Variants in POLR3H observed in about 807,000 individuals in gnomAD.
The protein encoded by POLR3H is DNA-directed RNA polymerase III subunit RPC8.
A neutral mutation model predicts 25.5 loss-of-function variants in POLR3H; 17 were observed. That is an observed-to-expected ratio of 0.67 (90% CI 0.46 to 1.00). The LOEUF (loss-of-function observed/expected upper bound fraction) is 1.00, where lower values mean the gene tolerates loss of function less well. POLR3H is among the 50% of genes least tolerant of loss of function. The pLI is 0.00. For synonymous variants in POLR3H, 129 were observed against 103.0 expected, an observed-to-expected ratio of 1.25 and a Z score of -1.53; for missense variants, 274 against 265.0, an observed-to-expected ratio of 1.03 and a Z score of -0.24.
Position 41,528,791 on chromosome 22 carries a change from CT to C in POLR3H, c.*491del. ...TGTGGTGGGGGGGTTCTTAAAATAA[CT>C]TTTTAGCCCCCGTCTTCCTATTTTG... is the stretch of plus-strand genomic sequence containing the variant. On this transcript the variant is annotated 3_prime_UTR_variant, in exon 6 of 6. Transcript: ENST00000355209. 2.4e-6 allele frequency: 2 copies of C among 831,266 alleles called. No individual in the cohort carries two copies. The highest frequency in any genetic ancestry group is 3.6e-6 in the Non-Finnish European group (2 of 556,572). The allele number at this position is 831,266 out of a possible 1,614,324, so 51.5% of individuals were successfully genotyped here.
At chr22:41,529,607 G>T in intron 5 of POLR3H, 1 of 701,946 alleles carries the variant, frequency 1.4e-6, no homozygotes, top group Non-Finnish European at 2.6e-6. Context: ...GGCCACCTAG[G>T]TTCTAATCGT....
Position 41,540,681 on chromosome 22 carries a change from G to A in POLR3H, c.208+18C>T, listed in dbSNP as rs1355192658. On this transcript the variant is annotated intron_variant, in intron 2 of 5. Transcript: ENST00000355209. ...GAGCCCCAAGAAGCCCAATGCCCCA[G>A]GGACAGAAGATACCCACCTTTGGTG... is the stretch of plus-strand genomic sequence containing the variant. The A allele has an allele frequency of 1.3e-6, 2 of 1,593,550 alleles. No homozygotes were observed. The highest frequency in any genetic ancestry group is 1.7e-5 in the Admixed American group (1 of 59,994).
At chr22:41,542,505 T>G (rs1433382400) in intron 1 of POLR3H, among the ~76,000 whole-genome samples, 1 of 151,844 alleles carries the variant, frequency 6.6e-6, no homozygotes, top group Non-Finnish European at 1.5e-5. Flanking sequence ...CACCATCAGA[T>G]CTCACCTTCA....
chr22:41,527,684 ATG>A lies in POLR3H; in HGVS notation c.*1597_*1598del, dbSNP rs1933896601. 1 of 804,052 alleles carries A rather than the reference ATG, an allele frequency of 1.2e-6. No homozygotes were observed. The highest frequency in any genetic ancestry group is 2.9e-5 in the Admixed American group (1 of 34,444). The allele number at this position is 804,052 out of a possible 1,614,324, so 49.8% of individuals were successfully genotyped here. On this transcript the variant is annotated 3_prime_UTR_variant, in exon 6 of 6. Transcript: ENST00000355209. ...GCCAGGGGGTTCTTTCTGATCATGA[ATG>A]TGCAGCAGGAAGGCCTCGCAGACCT...
At chr22:41,530,621 A>G in intron 5 of POLR3H, 66 bp downstream of exon 5, 1 of 1,448,860 alleles carries the variant, frequency 6.9e-7, no homozygotes, top group Non-Finnish European at 9.3e-7. Context: ...CCCAGGACAC[A>G]GCTTCCAGCC....
Position 41,528,396 on chromosome 22 carries a change from G to C in POLR3H, c.*887C>G, listed in dbSNP as rs200466811. The C allele has an allele frequency of 6.4e-7, 1 of 1,555,280 alleles. No homozygotes were observed. Among genetic ancestry groups the C allele is most frequent in the Non-Finnish European group, 8.7e-7 (1 of 1,151,812 alleles). On this transcript the variant is annotated 3_prime_UTR_variant, in exon 6 of 6. Transcript: ENST00000355209. ...TGCTGACCTCTTAGGTCCCCAGGCA[G>C]TGCCCTGTCTCCCTGACCCCCCTGC...
At chr22:41,531,360 G>A (rs1340154948) in intron 4 of POLR3H, among the ~76,000 whole-genome samples, 1 of 152,222 alleles carries the variant, frequency 6.6e-6, no homozygotes, top group East Asian at 1.9e-4. Flanking sequence ...GAACCAGCCG[G>A]GCTGCGCCAG....
chr22:41,533,268 C>G (rs566693268), intron 2 of POLR3H, among the ~76,000 whole-genome samples: 83 of 152,324 alleles, frequency 5.4e-4, no homozygotes, highest in Non-Finnish European at 9.7e-4. Flanking sequence ...AGGAAAACAC[C>G]AGGTGGGGTC....
intron 5 of POLR3H, chr22:41,529,667 AG>A (rs1251396432): frequency 4.7e-6 from 3 of 633,966 alleles, no homozygotes; most frequent in Non-Finnish European, 8.9e-6. Flanking sequence ...CGCATCCAAC[AG>A]GGAGCAGCCT....
At position 41,528,351 on chromosome 22, in the gene POLR3H, G is replaced by A; in HGVS notation, c.*932C>T. 2.2e-6 allele frequency: 3 copies of A among 1,348,282 alleles called. No homozygotes were observed. The highest frequency in any genetic ancestry group is 4.9e-5 in the East Asian group (2 of 40,520). The allele number at this position is 1,348,282 out of a possible 1,614,324, so 83.5% of individuals were successfully genotyped here. On this transcript the variant is annotated 3_prime_UTR_variant, in exon 6 of 6. Transcript: ENST00000355209. Reference sequence around the variant, plus strand: ...TGACCTGGGCCATCAGGCACAGACTGGCCTAGGATTTGGTTTGCCTGCTGA... The same window carrying A: ...TGACCTGGGCCATCAGGCACAGACTAGCCTAGGATTTGGTTTGCCTGCTGA...
At chr22:41,530,430 C>G (rs1161584727) in intron 5 of POLR3H, among the ~76,000 whole-genome samples, 2 of 152,224 alleles carry the variant, frequency 1.3e-5, no homozygotes, top group Non-Finnish European at 1.5e-5. Context: ...TATCAGTGGT[C>G]TTGTCCACCG....
chr22:41,542,312 G>C (rs961040364), intron 1 of POLR3H, among the ~76,000 whole-genome samples: 19 of 152,000 alleles, frequency 1.3e-4, no homozygotes, highest in South Asian at 2.1e-4. Flanking sequence ...TCAAACTCCT[G>C]ACCTTGGGTG....
At chr22:41,541,173 C>A (rs1470937075) in intron 1 of POLR3H, among the ~76,000 whole-genome samples, 1 of 152,142 alleles carries the variant, frequency 6.6e-6, no homozygotes, top group African/African-American at 2.4e-5. Flanking sequence ...GTACCTGGCT[C>A]GTGTATTGGA....
Position 41,526,505 on chromosome 22 carries a change from G to T in POLR3H, c.*2778C>A. The T allele has an allele frequency of 6.4e-7, 1 of 1,564,472 alleles. No homozygotes were observed. On this transcript the variant is annotated 3_prime_UTR_variant, in exon 6 of 6. Coordinates refer to ENST00000355209, the MANE Select transcript of POLR3H (RefSeq NM_001018050.4). ...CCAGTGGTCACTCCTGAAGGGGCCT[G>T]CAAGGCAGGTGCAGGGAGGACATTA...
In POLR3H at chr22:41,544,350, C is replaced by CCGCCACGCCACGCCACGCCA; in HGVS notation, c.-250_-249insTGGCGTGGCGTGGCGTGGCG. On this transcript the variant is annotated 5_prime_UTR_variant, in exon 1 of 6. Coordinates refer to ENST00000355209, the MANE Select transcript of POLR3H (RefSeq NM_001018050.4). ...GGGTGCGCGCCCGCGCCGCGAGACC[C>CCGCCACGCCACGCCACGCCA]CGCCACGCCACGCCACTCCACGCCA... 5.3e-6 allele frequency: 2 copies of CCGCCACGCCACGCCACGCCA among 379,340 alleles called. No homozygotes were observed. The highest frequency in any genetic ancestry group is 4.2e-5 in the South Asian group (1 of 23,560). The allele number at this position is 379,340 out of a possible 1,614,324, so 23.5% of individuals were successfully genotyped here.
intron 3 of POLR3H, 138 bp downstream of exon 3, chr22:41,532,521 G>A: frequency 6.7e-7 from 1 of 1,481,974 alleles, no homozygotes; most frequent in Non-Finnish European, 9.2e-7. Context: ...TAAAAGGGAG[G>A]GTGGGCAAGC....
chr22:41,536,969 T>G (rs1170074433), intron 2 of POLR3H, among the ~76,000 whole-genome samples: 1 of 151,630 alleles, frequency 6.6e-6, no homozygotes, highest in Non-Finnish European at 1.5e-5. Flanking sequence ...AATATAACAT[T>G]TAAAAATGTT....
chr22:41,527,020 G>A lies in POLR3H; in HGVS notation c.*2263C>T. 3.7e-6 allele frequency: 2 copies of A among 546,878 alleles called. No homozygotes were observed. Among genetic ancestry groups the A allele is most frequent in the East Asian group, 3.2e-5 (1 of 31,250 alleles). The allele number at this position is 546,878 out of a possible 1,614,324, so 33.9% of individuals were successfully genotyped here. On this transcript the variant is annotated 3_prime_UTR_variant, in exon 6 of 6. Coordinates refer to ENST00000355209, the MANE Select transcript of POLR3H (RefSeq NM_001018050.4). ...ACCCAACCTCCCTCCACACACACCT[G>A]CCTCTGCCAAGCACCAATGGGTGGC...
chr22:41,538,203 G>A (rs370136513), intron 2 of POLR3H, among the ~76,000 whole-genome samples: 2 of 147,194 alleles, frequency 1.4e-5, no homozygotes, highest in Non-Finnish European at 3.0e-5. Context: ...GTGCGATCTC[G>A]GTTCACTGCA....
Sources: allele counts gnomAD v4.1 joint callset (sites outside exome capture counted in the v4.1 genomes callset), GRCh38; gene constraint gnomAD v4.1.1; transcripts MANE v1.5; gene names NCBI Gene and HGNC (gene_info 2026-07-23, HGNC 2026-07-21).